The following NKAIN2 variants were observed in gnomAD, a reference collection of about 807,000 sequenced individuals.
NKAIN2 encodes sodium/potassium-transporting ATPase subunit beta-1-interacting protein 2.
Under a neutral mutation model 32.6 loss-of-function variants are expected in NKAIN2, and 14 were observed. The observed-to-expected ratio is 0.43, with a 90% CI of 0.28 to 0.67. The LOEUF is 0.67. NKAIN2 is among the 30% of genes least tolerant of loss of function. The pLI is 0.17. For missense variants in NKAIN2, 198 were observed against 258.3 expected (o/e 0.77, Z 1.60); for synonymous variants, 80 against 87.2 (o/e 0.92, Z 0.46).
Position 124,266,893 on chromosome 6 carries a change from G to T in NKAIN2, c.55-16112G>T, listed in dbSNP as rs1973961. 5.9e-5 allele frequency among the ~76,000 whole-genome samples: 9 copies of T among 152,038 alleles called. No homozygotes were observed. The East Asian group carries it at 1.2e-3, about 20-fold the overall frequency. ...GATTTAATGATCATATCTTTAAAAT[G>T]CAAGGGAAAGGACTACCTAGTCATC... On this transcript the variant is annotated intron_variant, in intron 1 of 6. Coordinates refer to ENST00000368417, the MANE Select transcript of NKAIN2 (RefSeq NM_001040214.3).
intron 1 of NKAIN2, among the ~76,000 whole-genome samples, chr6:123,858,128 T>C (rs535335568): frequency 5.3e-5 from 8 of 152,112 alleles, no homozygotes; most frequent in African/African-American, 1.7e-4. Flanking sequence ...TTATTTTTTT[T>C]TTTTTGAGAG....
At chr6:124,076,146 T>C (rs1414095092) in intron 1 of NKAIN2, among the ~76,000 whole-genome samples, 8 of 152,202 alleles carry the variant, frequency 5.3e-5, no homozygotes, top group Middle Eastern at 3.2e-3. Flanking sequence ...ATTTCTTGAA[T>C]CTAGTGCTCA....
chr6:124,191,780 C>G (rs1010598475), intron 1 of NKAIN2, among the ~76,000 whole-genome samples: 2 of 152,152 alleles, frequency 1.3e-5, no homozygotes, highest in Non-Finnish European at 2.9e-5. Flanking sequence ...TCCTAGTTCA[C>G]TAAGAATTTT....
At chr6:123,846,453 C>G (rs1775095034) in intron 1 of NKAIN2, among the ~76,000 whole-genome samples, 1 of 152,144 alleles carries the variant, frequency 6.6e-6, no homozygotes, top group Non-Finnish European at 1.5e-5. Context: ...ATCTCTACCC[C>G]ATGGGTGTTT....
At chr6:124,786,078 T>C (rs1779489895) in intron 4 of NKAIN2, among the ~76,000 whole-genome samples, 1 of 152,112 alleles carries the variant, frequency 6.6e-6, no homozygotes, top group African/African-American at 2.4e-5. Context: ...AGGCTGCCTT[T>C]TCCCTTTTCT....
chr6:124,277,486 A>G (rs977522581), intron 1 of NKAIN2, among the ~76,000 whole-genome samples: 30 of 151,322 alleles, frequency 2.0e-4, no homozygotes, highest in African/African-American at 7.0e-4. Flanking sequence ...TCTGTGTAAG[A>G]TGCTATAACA....
intron 4 of NKAIN2, among the ~76,000 whole-genome samples, chr6:124,727,637 A>G (rs905448395): frequency 3.0e-4 from 45 of 151,672 alleles, no homozygotes; most frequent in African/African-American, 1.0e-3. Flanking sequence ...GACTAGGAAG[A>G]AACTCCATCA....
At chr6:124,509,651 C>T (rs923768092) in intron 3 of NKAIN2, among the ~76,000 whole-genome samples, 1 of 152,184 alleles carries the variant, frequency 6.6e-6, no homozygotes, top group Non-Finnish European at 1.5e-5. Flanking sequence ...AATTTGTGAG[C>T]AAGAAGCCAA....
intron 1 of NKAIN2, among the ~76,000 whole-genome samples, chr6:124,216,371 A>T (rs1297367380): frequency 6.6e-6 from 1 of 152,110 alleles, no homozygotes; most frequent in Non-Finnish European, 1.5e-5. Context: ...ATTTACACCA[A>T]AACTTATTTG....
At chr6:124,250,755 T>G (rs1201157980) in intron 1 of NKAIN2, among the ~76,000 whole-genome samples, 1 of 152,008 alleles carries the variant, frequency 6.6e-6, no homozygotes, top group African/African-American at 2.4e-5. Context: ...GAGGTAATGT[T>G]AGTAAAGATA....
At chr6:124,229,631 G>T (rs1315617081) in intron 1 of NKAIN2, among the ~76,000 whole-genome samples, 3 of 152,088 alleles carry the variant, frequency 2.0e-5, no homozygotes, top group African/African-American at 7.2e-5. Flanking sequence ...ATATGTTGTG[G>T]CAGGGACCTG....
At chr6:124,176,846 C>T (rs1228738638) in intron 1 of NKAIN2, among the ~76,000 whole-genome samples, 1 of 152,036 alleles carries the variant, frequency 6.6e-6, no homozygotes, top group Non-Finnish European at 1.5e-5. Context: ...ACATCTCATA[C>T]ATTTTCCTAT....
chr6:124,173,227 C>T (rs1291051718), intron 1 of NKAIN2, among the ~76,000 whole-genome samples: 2 of 151,996 alleles, frequency 1.3e-5, no homozygotes, highest in African/African-American at 4.8e-5. Flanking sequence ...TATAAAAGCA[C>T]CATGACTAGT....
At chr6:124,688,383 A>T (rs1774093685) in intron 4 of NKAIN2, among the ~76,000 whole-genome samples, 1 of 152,048 alleles carries the variant, frequency 6.6e-6, no homozygotes. Flanking sequence ...AGAGTTCCCA[A>T]GTACCCCTGC....
intron 3 of NKAIN2, among the ~76,000 whole-genome samples, chr6:124,640,060 A>G (rs1004398951): frequency 5.3e-5 from 8 of 152,216 alleles, no homozygotes; most frequent in Non-Finnish European, 8.8e-5. Context: ...GAATCAAAAT[A>G]TCACTCTGTA....
chr6:124,609,408 C>T (rs1247239406), intron 3 of NKAIN2, among the ~76,000 whole-genome samples: 3 of 143,056 alleles, frequency 2.1e-5, no homozygotes, highest in East Asian at 4.0e-4. Context: ...TGAAAGAATT[C>T]GGGATGAAGT....
intron 1 of NKAIN2, among the ~76,000 whole-genome samples, chr6:123,853,686 A>G (rs1775443927): frequency 6.6e-6 from 1 of 152,200 alleles, no homozygotes; most frequent in Non-Finnish European, 1.5e-5. Flanking sequence ...ATGATATAGA[A>G]AAATCAGACT....
intron 2 of NKAIN2, among the ~76,000 whole-genome samples, chr6:124,298,784 A>T (rs1206301610): frequency 6.6e-6 from 1 of 152,232 alleles, no homozygotes; most frequent in Admixed American, 6.5e-5. Flanking sequence ...ATCAGTGGGG[A>T]TGCTATCATT....
intron 1 of NKAIN2, among the ~76,000 whole-genome samples, chr6:124,056,320 C>T: frequency 6.6e-6 from 1 of 151,062 alleles, no homozygotes; most frequent in Non-Finnish European, 1.5e-5. Context: ...TATCTTGCTT[C>T]CTGACTCTTA....
Sources: gnomAD v4.1 joint callset for allele counts (sites outside exome capture counted in the v4.1 genomes callset) on GRCh38, gnomAD v4.1.1 for gene constraint, MANE v1.5 for transcripts, NCBI Gene and HGNC (gene_info 2026-07-23, HGNC 2026-07-21) for gene names.